Variants in DEDD observed in about 807,000 individuals in gnomAD.
The protein encoded by DEDD is death effector domain-containing protein.
DEDD carries 3 observed loss-of-function variants against 29.2 expected under a neutral mutation model. The ratio of observed to expected loss-of-function variants is 0.10; its 90% CI spans 0.05 to 0.27. The LOEUF is 0.27. DEDD is among the 10% of genes least tolerant of loss of function. The pLI is 1.00. For synonymous variants in DEDD, 152 were observed against 161.3 expected, an observed-to-expected ratio of 0.94 and a Z score of 0.44; for missense variants, 261 against 420.5, an observed-to-expected ratio of 0.62 and a Z score of 3.32.
intron 2 of DEDD, chr1:161,125,101 G>A (rs1029140419): frequency 6.6e-6 from 1 of 152,022 alleles, no homozygotes; most frequent in Non-Finnish European, 1.5e-5. Flanking sequence ...GGAAAAAAAA[G>A]AACTAGTTTA....
chr1:161,125,506 A>G (rs1300995699), intron 2 of DEDD: 1 of 151,898 alleles, frequency 6.6e-6, no homozygotes, highest in Non-Finnish European at 1.5e-5. Flanking sequence ...TGGCAATATC[A>G]ACTTTTTTTT....
In DEDD at chr1:161,122,345, G is replaced by A; in HGVS notation, c.759C>T (p.Leu253=). 6.2e-7 allele frequency: 1 copy of A among 1,614,214 alleles called. No individual in the cohort carries two copies. Among genetic ancestry groups the A allele is most frequent in the Non-Finnish European group, 8.5e-7 (1 of 1,180,042 alleles). ...CACGCCAGAATGCATCGAGGTAGGTGAGCTCAGAGAACTTGATGTCACAGA... is the reference window on the plus strand; with the variant it reads ...CACGCCAGAATGCATCGAGGTAGGTAAGCTCAGAGAACTTGATGTCACAGA... The part of the protein sequence containing the change: ...SIICDIKFSE[L]TYLDAFWRDY... The change falls in exon 6 of 6, where the codon CTC becomes CTT. Residue 253 remains leucine (L), a synonymous_variant. Transcript: ENST00000368006. The surrounding 1 kb of genome is among the most constrained non-coding windows in gnomAD (Gnocchi z 4.2).
At chr1:161,123,509 G>A (rs1439344530) in intron 4 of DEDD, among the ~76,000 whole-genome samples, 2 of 151,948 alleles carry the variant, frequency 1.3e-5, no homozygotes, top group South Asian at 2.1e-4. Flanking sequence ...GCTGGCGGGC[G>A]CCTGTAGTCC....
Position 161,122,517 on chromosome 1 carries a change from C to G in DEDD, c.587G>C (p.Arg196Thr). 1 of 1,613,118 alleles carries G rather than the reference C, an allele frequency of 6.2e-7. No homozygotes were observed. Among genetic ancestry groups the G allele is most frequent in the Non-Finnish European group, 8.5e-7 (1 of 1,179,202 alleles). Residue 196 changes from arginine (R) to threonine (T), a missense_variant, in exon 6 of 6, where the codon AGA (arginine) becomes ACA (threonine). Physicochemically the swap from Arg to Thr is moderately conservative, Grantham distance 71. Coordinates refer to ENST00000368006, the MANE Select transcript of DEDD (RefSeq NM_032998.3). The surrounding 1 kb of genome is among the most constrained non-coding windows in gnomAD (Gnocchi z 4.2). ...GCAGTATTCAGCCCGAACCCGCAGT[C>G]TGATGTCTGTTGGAAACAGAAGATA... Reference protein sequence around the residue: ...DPKEKQTCDIRLRVRAEYCQH... With the variant: ...DPKEKQTCDITLRVRAEYCQH...
At chr1:161,126,413 G>C (rs886867883) in intron 2 of DEDD, among the ~76,000 whole-genome samples, 1 of 145,232 alleles carries the variant, frequency 6.9e-6, no homozygotes, top group Non-Finnish European at 1.5e-5. Context: ...GCGCGATCTT[G>C]GCTCACTGCA....
Position 161,122,477 on chromosome 1 carries a change from A to G in DEDD, c.627T>C (p.Ala209=), listed in dbSNP as rs772294887. Residue 209 remains alanine, a synonymous_variant, in exon 6 of 6, where the codon GCT becomes GCC. Coordinates refer to ENST00000368006, the MANE Select transcript of DEDD (RefSeq NM_032998.3). The surrounding 1 kb of genome is among the most constrained non-coding windows in gnomAD (Gnocchi z 4.2). Reference sequence around the variant, plus strand: ...TGTTAGAGAAGACATTGCCCTGCAGAGCAGTCTCATGCTGGCAGTATTCAG... The same window carrying G: ...TGTTAGAGAAGACATTGCCCTGCAGGGCAGTCTCATGCTGGCAGTATTCAG... ...VRAEYCQHET[A]LQGNVFSNKQ... 1 of 1,614,174 alleles carries G rather than the reference A, an allele frequency of 6.2e-7. No homozygotes were observed. Among genetic ancestry groups the G allele is most frequent in the Admixed American group, 1.7e-5 (1 of 60,020 alleles).
intron 1 of DEDD, among the ~76,000 whole-genome samples, chr1:161,131,935 C>T (rs1351812141): frequency 1.3e-5 from 2 of 152,042 alleles, no homozygotes; most frequent in South Asian, 2.1e-4. Flanking sequence ...TCCTCCCAGT[C>T]TCTCACTTTC....
chr1:161,122,935 C>G lies in DEDD; in HGVS notation c.580+140G>C. 1 of 1,528,806 alleles carries G rather than the reference C, an allele frequency of 6.5e-7. No individual in the cohort carries two copies. The highest frequency in any genetic ancestry group is 1.7e-4 in the Middle Eastern group (1 of 5,890). The allele number at this position is 1,528,806 out of a possible 1,614,324, so 94.7% of individuals were successfully genotyped here. A position where few individuals can be genotyped will look rare whatever the true frequency, so the allele number is the denominator to read the frequency against. ...CATAAAGAGCAGTTCTTCCACCAGA[C>G]ACCAAACCATTCAGCCTCACTTTGC... On this transcript the variant is annotated intron_variant, in intron 5 of 5. Coordinates refer to ENST00000368006, the MANE Select transcript of DEDD (RefSeq NM_032998.3). The surrounding 1 kb of genome is among the most constrained non-coding windows in gnomAD (Gnocchi z 4.2).
intron 2 of DEDD, among the ~76,000 whole-genome samples, chr1:161,127,628 C>T (rs1413336833): frequency 6.6e-6 from 1 of 152,224 alleles, no homozygotes; most frequent in Non-Finnish European, 1.5e-5. Context: ...AGATGCCCCA[C>T]CCAAAGCATG....
chr1:161,124,091 G>A (rs371582408), intron 3 of DEDD, 47 bp downstream of exon 3: 4 of 1,586,920 alleles, frequency 2.5e-6, no homozygotes, highest in South Asian at 2.3e-5. Context: ...GCTCCTTCCT[G>A]GCCTCCCACA....
rs1313708204 is a variant in DEDD, at chr1:161,123,943, C to T, written c.329G>A (p.Cys110Tyr). The change falls in exon 4 of 6, where the codon TGC (cysteine) becomes TAC (tyrosine). Residue 110 changes from cysteine (C) to tyrosine (Y), a missense_variant. Physicochemically the swap from Cys to Tyr is radical, Grantham distance 194. Coordinates refer to ENST00000368006, the MANE Select transcript of DEDD (RefSeq NM_032998.3). ...YVTLKRRRAV[C>Y]PDLVDKYLEE... ...CAGATACTTGTCTACAAGATCAGGG[C>T]ACACTGTAGGAGGAGAAGTAATCAT... 3 of 1,613,886 alleles carry T rather than the reference C, an allele frequency of 1.9e-6. No homozygotes were observed. The highest frequency in any genetic ancestry group is 2.5e-6 in the Non-Finnish European group (3 of 1,179,894).
At chr1:161,123,678 A>G (rs1273814240) in intron 4 of DEDD, among the ~76,000 whole-genome samples, 161 bp downstream of exon 4, 1 of 150,718 alleles carries the variant, frequency 6.6e-6, no homozygotes, top group Admixed American at 6.6e-5. Context: ...GAGCAAATAC[A>G]GGACCTAGGA....
intron 2 of DEDD, among the ~76,000 whole-genome samples, chr1:161,127,388 C>T (rs1656285358): frequency 6.6e-6 from 1 of 152,112 alleles, no homozygotes; most frequent in Non-Finnish European, 1.5e-5. Context: ...TGAGGCTAGA[C>T]TAGGAAACAA....
chr1:161,122,550 G>C lies in DEDD; in HGVS notation c.581-27C>G, dbSNP rs1557976869. 6.2e-7 allele frequency: 1 copy of C among 1,602,132 alleles called. No homozygotes were observed. The highest frequency in any genetic ancestry group is 1.1e-5 in the South Asian group (1 of 90,624). ...TGTTGGAAACAGAAGATACAGAGCA[G>C]AAGAGGTTACAGTAAGGGATGAGTT... On this transcript the variant is annotated intron_variant, in intron 5 of 5. Transcript: ENST00000368006. This position sits in a 1 kb window ranked among gnomAD's most constrained non-coding sequence, Gnocchi z 4.2.
chr1:161,125,147 T>C (rs1439876868), intron 2 of DEDD: 22 of 152,258 alleles, frequency 1.4e-4, no homozygotes, highest in Admixed American at 1.4e-3. Flanking sequence ...TGTGTAGCTG[T>C]GTGACCGTAA....
At chr1:161,126,343 CTTT>C (rs538174697) in intron 2 of DEDD, among the ~76,000 whole-genome samples, 3 of 132,496 alleles carry the variant, frequency 2.3e-5, no homozygotes, top group South Asian at 2.4e-4. Context: ...ACTCCAAACT[CTTT>C]TTTTTTTTTT....
At chr1:161,129,415 C>T (rs1404025107) in intron 2 of DEDD, among the ~76,000 whole-genome samples, 2 of 151,922 alleles carry the variant, frequency 1.3e-5, no homozygotes, top group Non-Finnish European at 2.9e-5. Flanking sequence ...AGCAACATGA[C>T]ACAACTCCAT....
Position 161,123,952 on chromosome 1 carries a change from G to A in DEDD, c.326-6C>T. 6.2e-7 allele frequency: 1 copy of A among 1,613,092 alleles called. No individual in the cohort carries two copies. The highest frequency in any genetic ancestry group is 8.5e-7 in the Non-Finnish European group (1 of 1,179,556). ...GTCTACAAGATCAGGGCACACTGTAGGAGGAGAAGTAATCATTCAGGAAAA... is the reference window on the plus strand; with the variant it reads ...GTCTACAAGATCAGGGCACACTGTAAGAGGAGAAGTAATCATTCAGGAAAA... On this transcript the variant is annotated splice_polypyrimidine_tract_variant and splice_region_variant and intron_variant, in intron 3 of 5. Transcript: ENST00000368006.
At chr1:161,126,388 G>C (rs1656176713) in intron 2 of DEDD, among the ~76,000 whole-genome samples, 1 of 144,962 alleles carries the variant, frequency 6.9e-6, no homozygotes, top group Non-Finnish European at 1.5e-5. Flanking sequence ...CTGTCGCCCA[G>C]GCTGCAGTGC....
Sources: gnomAD v4.1 joint callset for allele counts (sites outside exome capture counted in the v4.1 genomes callset) on GRCh38, gnomAD v4.1.1 for gene constraint, Gnocchi (gnomAD v3.1) non-coding constraint, MANE v1.5 for transcripts, NCBI Gene and HGNC (gene_info 2026-07-23, HGNC 2026-07-21) for gene names.